AGMO: variants seen among roughly 807,000 people sequenced by gnomAD.
AGMO encodes alkylglycerol monooxygenase.
A neutral mutation model predicts 60.2 loss-of-function variants in AGMO; 75 were observed. The observed-to-expected ratio is 1.25, with a 90% CI of 1.03 to 1.51. The LOEUF (loss-of-function observed/expected upper bound fraction) is 1.51. Among genes scored for constraint, AGMO ranks in the 40% most tolerant of loss-of-function variants. The pLI is 0.00. For synonymous variants in AGMO, 261 were observed against 177.1 expected, an observed-to-expected ratio of 1.47 and a Z score of -3.76; for missense variants, 763 against 525.5, an observed-to-expected ratio of 1.45 and a Z score of -4.42.
chr7:15,291,924 G>A (rs1331379783), intron 12 of AGMO, among the ~76,000 whole-genome samples: 2 of 152,158 alleles, frequency 1.3e-5, no homozygotes, highest in African/African-American at 4.8e-5. Flanking sequence ...AATTGGACAT[G>A]ACCTGTGTAG....
chr7:15,267,107 G>C (rs975212385), intron 12 of AGMO, among the ~76,000 whole-genome samples: 4 of 151,980 alleles, frequency 2.6e-5, no homozygotes, highest in African/African-American at 4.8e-5. Flanking sequence ...GAGAATTTTA[G>C]TGATAGGTTG....
intron 3 of AGMO, among the ~76,000 whole-genome samples, chr7:15,535,714 G>C (rs1784469178): frequency 6.6e-6 from 1 of 151,874 alleles, no homozygotes; most frequent in Non-Finnish European, 1.5e-5. Flanking sequence ...TTTTGGTGCA[G>C]GCATGCAATG....
intron 12 of AGMO, among the ~76,000 whole-genome samples, chr7:15,289,943 CTTTTTTTTTT>C (rs36074413): frequency 3.2e-5 from 1 of 31,352 alleles, no homozygotes; most frequent in Non-Finnish European, 6.2e-5. Flanking sequence ...TTCCAGAAAT[CTTTTTTTTTT>C]TTTTTTTTTT....
chr7:15,366,977 G>C (rs1189246102), intron 10 of AGMO, among the ~76,000 whole-genome samples: 1 of 152,020 alleles, frequency 6.6e-6, no homozygotes, highest in Non-Finnish European at 1.5e-5. Flanking sequence ...AGAAGAATTA[G>C]AGGAAAAGCA....
chr7:15,558,584 A>G (rs947028025), intron 2 of AGMO, among the ~76,000 whole-genome samples: 1 of 152,098 alleles, frequency 6.6e-6, no homozygotes, highest in African/African-American at 2.4e-5. Flanking sequence ...ATTCTTATTC[A>G]TGATAATCTG....
At chr7:15,481,751 T>A (rs902541842) in intron 3 of AGMO, among the ~76,000 whole-genome samples, 21 of 151,058 alleles carry the variant, frequency 1.4e-4, no homozygotes, top group African/African-American at 4.6e-4. Flanking sequence ...TCTTTTCAAG[T>A]GCCCTGATGC....
At chr7:15,393,775 G>A (rs1214004503) in intron 6 of AGMO, among the ~76,000 whole-genome samples, 1 of 152,172 alleles carries the variant, frequency 6.6e-6, no homozygotes, top group Non-Finnish European at 1.5e-5. Flanking sequence ...TCAGCACTGG[G>A]TCAAGAAGTA....
intron 4 of AGMO, among the ~76,000 whole-genome samples, chr7:15,430,177 T>A (rs1000033197): frequency 1.3e-5 from 2 of 151,946 alleles, no homozygotes; most frequent in East Asian, 3.8e-4. Flanking sequence ...AAATGGTATC[T>A]AACAAAAGTA....
At chr7:15,288,138 C>T (rs1784152763) in intron 12 of AGMO, among the ~76,000 whole-genome samples, 2 of 152,220 alleles carry the variant, frequency 1.3e-5, no homozygotes, top group Non-Finnish European at 2.9e-5. Flanking sequence ...ATTCTCCTGC[C>T]TTGGCCTCCT....
At chr7:15,123,019 A>T in the AGMO span, among the ~76,000 whole-genome samples, 1 of 152,044 alleles carries the variant, frequency 6.6e-6, no homozygotes, top group Non-Finnish European at 1.5e-5. Flanking sequence ...AATCCCTGTC[A>T]TGCTTTCTTT....
the AGMO span, among the ~76,000 whole-genome samples, chr7:15,177,704 T>C: frequency 6.3e-3 from 960 of 152,208 alleles, 13 homozygotes; most frequent in African/African-American, 0.022. Flanking sequence ...CTTCCATAAT[T>C]CTCTTTACTT....
At chr7:15,221,686 T>C (rs910902409) in intron 12 of AGMO, among the ~76,000 whole-genome samples, 1 of 152,138 alleles carries the variant, frequency 6.6e-6, no homozygotes, top group African/African-American at 2.4e-5. Flanking sequence ...AGCTCTTTTT[T>C]GTAAAACTAT....
At chr7:15,305,896 A>C (rs1329344214) in intron 12 of AGMO, among the ~76,000 whole-genome samples, 1 of 151,966 alleles carries the variant, frequency 6.6e-6, no homozygotes, top group Non-Finnish European at 1.5e-5. Flanking sequence ...TAAAAGAACA[A>C]ATCTTTTTTT....
chr7:15,339,534 A>G (rs944630178), intron 12 of AGMO, among the ~76,000 whole-genome samples: 27 of 152,204 alleles, frequency 1.8e-4, no homozygotes, highest in Non-Finnish European at 3.7e-4. Context: ...AACTTTGTCA[A>G]TTTGCAACAT....
chr7:15,342,467 CCCATCCCAA>C (rs1478082869), intron 12 of AGMO, among the ~76,000 whole-genome samples: 1 of 151,584 alleles, frequency 6.6e-6, no homozygotes, highest in African/African-American at 2.4e-5. Context: ...AAACTCCCCA[CCCATCCCAA>C]CCATCCCTTT....
rs114252433 is a variant in AGMO, at chr7:15,533,647, G to C, written c.409+11125C>G. 3.6e-3 allele frequency among the ~76,000 whole-genome samples: 551 copies of C among 152,162 alleles called. 4 individuals carry two copies. Among genetic ancestry groups the C allele is most frequent in the African/African-American group, 0.013 (532 of 41,524 alleles). ...ATTTTCACCATGGTGGGAGCCATCA[G>C]ATTCTGCATAATGACTTATTTTTCC... On this transcript the variant is annotated intron_variant, in intron 3 of 12. Coordinates refer to ENST00000342526, the MANE Select transcript of AGMO (RefSeq NM_001004320.2).
chr7:15,285,722 C>G (rs1257936006), intron 12 of AGMO, among the ~76,000 whole-genome samples: 1 of 151,892 alleles, frequency 6.6e-6, no homozygotes, highest in African/African-American at 2.4e-5. Context: ...GAAAAAATAT[C>G]CTAAAATTCT....
At chr7:15,519,567 G>C (rs558775112) in intron 3 of AGMO, among the ~76,000 whole-genome samples, 40 of 152,100 alleles carry the variant, frequency 2.6e-4, no homozygotes, top group Non-Finnish European at 5.1e-4. Flanking sequence ...AGCTTCATAA[G>C]TGAAGAAAAA....
chr7:15,349,219 C>A (rs1782144821), intron 12 of AGMO, among the ~76,000 whole-genome samples: 2 of 152,148 alleles, frequency 1.3e-5, no homozygotes, highest in Non-Finnish European at 2.9e-5. Flanking sequence ...TTGTCATTTA[C>A]ATTAAAGATA....
Sources: gnomAD v4.1 joint callset for allele counts (sites outside exome capture counted in the v4.1 genomes callset) on GRCh38, gnomAD v4.1.1 for gene constraint, MANE v1.5 for transcripts, NCBI Gene and HGNC (gene_info 2026-07-23, HGNC 2026-07-21) for gene names.